ATRNL1: variants seen among roughly 807,000 people sequenced by gnomAD.
ATRNL1 encodes the protein attractin-like protein 1.
ATRNL1 carries 95 observed loss-of-function variants against 182.7 expected under a neutral mutation model. The ratio of observed to expected loss-of-function variants is 0.52; its 90% confidence interval spans 0.44 to 0.62. The LOEUF (loss-of-function observed/expected upper bound fraction) is 0.62. ATRNL1 is among the 20% of genes least tolerant of loss of function. The pLI, the probability that ATRNL1 is intolerant of heterozygous loss-of-function variation, is 0.00. For missense variants in ATRNL1, 1,471 were observed against 1,679.5 expected (o/e 0.88, Z 2.17); for synonymous variants, 576 against 568.3 (o/e 1.01, Z -0.19).
intron 18 of ATRNL1, among the ~76,000 whole-genome samples, chr10:115,329,157 C>T (rs1855072960): frequency 6.6e-6 from 1 of 151,950 alleles, no homozygotes. Flanking sequence ...TTACCCATGG[C>T]TGTTTAGGAG....
At chr10:115,441,052 C>T (rs1846653987) in intron 21 of ATRNL1, among the ~76,000 whole-genome samples, 1 of 151,714 alleles carries the variant, frequency 6.6e-6, no homozygotes, top group South Asian at 2.1e-4. Context: ...TTTTCTCTGC[C>T]TTTAGTTTAT....
intron 8 of ATRNL1, among the ~76,000 whole-genome samples, chr10:115,196,072 G>C (rs555916470): frequency 6.6e-6 from 1 of 152,212 alleles, no homozygotes; most frequent in African/African-American, 2.4e-5. Context: ...GAGGTAGGGA[G>C]ACTGCTGGAG....
At chr10:115,249,314 T>C (rs1850774490) in intron 10 of ATRNL1, among the ~76,000 whole-genome samples, 1 of 151,962 alleles carries the variant, frequency 6.6e-6, no homozygotes. Context: ...TTAAAGTGTC[T>C]TTACAGTAAT....
chr10:115,381,432 A>AGTTTTTTTTTTTTTTTT (rs1857992363), intron 19 of ATRNL1, among the ~76,000 whole-genome samples: 1 of 68,550 alleles, frequency 1.5e-5, no homozygotes, highest in Non-Finnish European at 3.0e-5. Flanking sequence ...ATACCTGGCA[A>AGTTTTTTTTTTTTTTTT]TTTTTTTTTT....
intron 13 of ATRNL1, among the ~76,000 whole-genome samples, chr10:115,273,626 G>T (rs1554913948): frequency 6.6e-6 from 1 of 152,200 alleles, no homozygotes; most frequent in African/African-American, 2.4e-5. Flanking sequence ...CTTCAGGGAG[G>T]TCCCAGGAAG....
intron 25 of ATRNL1, among the ~76,000 whole-genome samples, chr10:115,529,654 C>G (rs1407393247): frequency 6.6e-6 from 1 of 151,780 alleles, no homozygotes; most frequent in East Asian, 1.9e-4. Context: ...GTCTTTTATC[C>G]TCCTGAATCA....
At chr10:115,583,432 G>A (rs1855268968) in intron 26 of ATRNL1, among the ~76,000 whole-genome samples, 1 of 108,172 alleles carries the variant, frequency 9.2e-6, no homozygotes, top group African/African-American at 2.8e-5. Context: ...TCCTTGAGCA[G>A]TGGTTTGTAG....
At position 115,600,252 on chromosome 10, in the gene ATRNL1, A is replaced by AAC. The variant is rs797036787; in HGVS notation, c.3795+50717_3795+50718dup. Among the ~76,000 whole-genome samples the AAC allele has an allele frequency of 4.6e-5, 7 of 152,202 alleles. No individual in the cohort carries two copies. In the South Asian group the frequency reaches 1.4e-3, roughly 31 times the overall value. ...GCTTTTGTGAAATTTAAAAAAATTT[A>AAC]ACTTGAGTAAATGCCTAATAGTACA... On this transcript the variant is annotated intron_variant, in intron 26 of 28. Coordinates refer to ENST00000355044, the MANE Select transcript of ATRNL1 (RefSeq NM_207303.4).
rs534829009 is a variant in ATRNL1 at position 115,171,044 on chromosome 10, T to A, written c.1100T>A (p.Ile367Asn). The change falls in exon 8 of 29, where the codon ATC becomes AAC. Residue 367 changes from isoleucine to asparagine, a missense_variant. By Grantham distance (149) the Ile-to-Asn change is moderately radical. Around this residue, in one of 3 missense-constraint regions of ATRNL1, gnomAD observed 1,031 missense variants for 1,156.0 expected, o/e 0.89. Transcript: ENST00000355044. ...ATGTATTTTAATTTACAGGAAAACA[T>A]CTTTATGTATGGAGGCAGAATTGAA... is the stretch of plus-strand genomic sequence containing the variant. ...GHSLALYQEN[I>N]FMYGGRIETN... 1 of 1,543,242 alleles carries A rather than the reference T, an allele frequency of 6.5e-7. No individual in the cohort carries two copies. Among genetic ancestry groups the A allele is most frequent in the African/African-American group, 1.4e-5 (1 of 73,378 alleles).
At chr10:115,560,006 A>G (rs1250764256) in intron 26 of ATRNL1, among the ~76,000 whole-genome samples, 1 of 152,210 alleles carries the variant, frequency 6.6e-6, no homozygotes, top group African/African-American at 2.4e-5. Context: ...CCACTAAAAA[A>G]CCTGTTAGAA....
intron 26 of ATRNL1, among the ~76,000 whole-genome samples, chr10:115,651,123 T>C (rs1555034218): frequency 6.6e-6 from 1 of 152,180 alleles, no homozygotes; most frequent in African/African-American, 2.4e-5. Flanking sequence ...GGCCACGACT[T>C]AGTTTATAAG....
intron 1 of ATRNL1, among the ~76,000 whole-genome samples, chr10:115,097,068 A>G (rs2085029426): frequency 6.6e-6 from 1 of 152,188 alleles, no homozygotes; most frequent in African/African-American, 2.4e-5. Context: ...TTTGTAGAGT[A>G]GAGATTTATA....
intron 26 of ATRNL1, among the ~76,000 whole-genome samples, chr10:115,644,353 G>T (rs1419710522): frequency 1.3e-5 from 2 of 152,022 alleles, no homozygotes; most frequent in Non-Finnish European, 1.5e-5. Flanking sequence ...CCTTAACTAC[G>T]CACAGTGTGT....
At position 115,821,386 on chromosome 10, in the gene ATRNL1, G is replaced by A. The variant is rs189435645; in HGVS notation, c.3904-26491G>A. ...TCTTTACAATTTGGTATGTTTTTGC[G>A]GTGGTTGGTACTGGTTTTTCCTTTC... On this transcript the variant is annotated intron_variant, in intron 27 of 28. Transcript: ENST00000355044. Among the ~76,000 whole-genome samples, 42 of 152,040 alleles carry A rather than the reference G, an allele frequency of 2.8e-4. No individual in the cohort carries two copies. In the East Asian group the frequency reaches 4.1e-3, roughly 15 times the overall value.
chr10:115,687,577 A>AC (rs1565286365), intron 26 of ATRNL1, among the ~76,000 whole-genome samples: 2 of 152,150 alleles, frequency 1.3e-5, no homozygotes. Context: ...GCTGAAATAA[A>AC]CATAGGAATA....
chr10:115,422,272 A>G (rs1845682694), intron 20 of ATRNL1, among the ~76,000 whole-genome samples: 1 of 152,224 alleles, frequency 6.6e-6, no homozygotes, highest in African/African-American at 2.4e-5. Flanking sequence ...AAAATAGGAG[A>G]AAATATTTGC....
intron 9 of ATRNL1, among the ~76,000 whole-genome samples, chr10:115,234,434 A>G (rs1209072218): frequency 6.6e-6 from 1 of 152,022 alleles, no homozygotes; most frequent in Non-Finnish European, 1.5e-5. Context: ...TTTAAAATAT[A>G]TTTACTAAAA....
At chr10:115,162,526 G>T (rs1846839806) in intron 6 of ATRNL1, among the ~76,000 whole-genome samples, 1 of 151,954 alleles carries the variant, frequency 6.6e-6, no homozygotes. Flanking sequence ...GACAGATCAT[G>T]TAGGATGTTG....
At chr10:115,466,914 A>T (rs898145229) in intron 22 of ATRNL1, among the ~76,000 whole-genome samples, 2 of 151,086 alleles carry the variant, frequency 1.3e-5, no homozygotes, top group Non-Finnish European at 3.0e-5. Flanking sequence ...AAAAATATTA[A>T]ATTACAGGAG....
Sources: gnomAD v4.1 joint callset for allele counts (sites outside exome capture counted in the v4.1 genomes callset) on GRCh38, gnomAD v4.1.1 for gene constraint, gnomAD v4.1.1 regional missense constraint, MANE v1.5 for transcripts, NCBI Gene and HGNC (gene_info 2026-07-23, HGNC 2026-07-21) for gene names.